FGF13: variants seen among roughly 807,000 people sequenced by gnomAD.
FGF13 encodes fibroblast growth factor 13.
In FGF13, 2 loss-of-function variants were observed where a neutral mutation model predicts 19.5. That is an observed-to-expected ratio of 0.10 (90% CI 0.04 to 0.32). FGF13 has a LOEUF of 0.32. Ranked by LOEUF, FGF13 falls within the 10% of genes least tolerant of loss-of-function variation. The probability of loss-of-function intolerance (pLI) is 1.00; values close to 1 mark genes in which losing one functional copy is unlikely to be tolerated. For missense variants in FGF13, 113 were observed against 192.7 expected, an observed-to-expected ratio of 0.59 and a Z score of 2.45; for synonymous variants, 72 against 76.9, an observed-to-expected ratio of 0.94 and a Z score of 0.33.
chrX:138,710,777 C>G lies in FGF13; in HGVS notation c.187+40G>C, dbSNP rs1267313779. 2.5e-6 allele frequency: 3 copies of G among 1,203,751 alleles called. No homozygotes were observed. The East Asian group carries it at 8.9e-5, about 36-fold the overall frequency. On this transcript the variant is annotated intron_variant, in intron 1 of 4. Coordinates refer to ENST00000315930, the MANE Select transcript of FGF13 (RefSeq NM_004114.5). ...TGCTCCCCACCGCCCCCACCTCACT[C>G]GTAAAGTATGGGGAAAAGAAAGCAA...
At chrX:138,842,492 A>C in intron 3 of FGF13, among the ~76,000 whole-genome samples, 1 of 111,207 alleles carries the variant, frequency 9.0e-6, no homozygotes, top group African/African-American at 3.3e-5. Flanking sequence ...AGTTTGAATT[A>C]AGTTGAAACT....
chrX:139,096,419 C>G (rs1020130088), intron 1 of FGF13, among the ~76,000 whole-genome samples: 1 of 110,991 alleles, frequency 9.0e-6, no homozygotes, highest in African/African-American at 3.3e-5. Flanking sequence ...ACAAAGGTAC[C>G]AGGTTATGAA....
chrX:139,065,696 G>C (rs1199055307), intron 1 of FGF13, among the ~76,000 whole-genome samples: 2 of 110,182 alleles, frequency 1.8e-5, no homozygotes, highest in Non-Finnish European at 3.8e-5. Flanking sequence ...GACCTACAAA[G>C]AGACTGAGAC....
intron 1 of FGF13, among the ~76,000 whole-genome samples, chrX:139,191,788 C>G (rs1239191780): frequency 9.0e-6 from 1 of 111,614 alleles, no homozygotes; most frequent in Admixed American, 9.5e-5. Context: ...TCACCCTGCT[C>G]TAGACTGGCA....
intron 3 of FGF13, among the ~76,000 whole-genome samples, chrX:138,648,967 C>T (rs1028256067): frequency 8.9e-6 from 1 of 112,131 alleles, no homozygotes; most frequent in Admixed American, 9.5e-5. Flanking sequence ...TTATCTCATA[C>T]TAATTTTTAC....
At chrX:138,775,108 C>G (rs1173102995) in intron 3 of FGF13, among the ~76,000 whole-genome samples, 1 of 111,862 alleles carries the variant, frequency 8.9e-6, no homozygotes, top group African/African-American at 3.3e-5. Flanking sequence ...TTCAGGCATG[C>G]GCCATCACGC....
intron 3 of FGF13, among the ~76,000 whole-genome samples, chrX:138,818,377 C>T (rs1052282757): frequency 1.0e-4 from 11 of 109,761 alleles, no homozygotes; most frequent in Admixed American, 3.0e-4. Context: ...TATGTCCATA[C>T]GAAGGAATTT....
chrX:138,678,358 AAAGTAT>A (rs953999902), intron 3 of FGF13, among the ~76,000 whole-genome samples: 2 of 112,072 alleles, frequency 1.8e-5, no homozygotes, highest in African/African-American at 6.5e-5. Flanking sequence ...CCTAAAACTT[AAAGTAT>A]AATAATAATA....
intron 1 of FGF13, among the ~76,000 whole-genome samples, chrX:139,185,972 G>A (rs768907787): frequency 9.0e-6 from 1 of 111,693 alleles, no homozygotes; most frequent in Non-Finnish European, 1.9e-5. Flanking sequence ...TCTATGGTTT[G>A]ATTTCCACTT....
intron 1 of FGF13, among the ~76,000 whole-genome samples, chrX:138,914,118 T>C (rs2091606132): frequency 9.2e-6 from 1 of 109,286 alleles, no homozygotes; most frequent in African/African-American, 3.3e-5. Flanking sequence ...ATCAGTCTTC[T>C]CAGAGATCCT....
chrX:139,091,746 T>C (rs979405874), intron 1 of FGF13, among the ~76,000 whole-genome samples: 5 of 111,437 alleles, frequency 4.5e-5, no homozygotes, highest in African/African-American at 1.3e-4. Context: ...TAAACTGCTA[T>C]ATATCAGAGG....
intron 3 of FGF13, among the ~76,000 whole-genome samples, chrX:138,809,520 C>T (rs2090903091): frequency 9.0e-6 from 1 of 111,726 alleles, no homozygotes; most frequent in South Asian, 3.7e-4. Flanking sequence ...GAAGCATTCC[C>T]TTTGAAAACT....
chrX:138,686,600 T>G (rs2089785208), intron 3 of FGF13, among the ~76,000 whole-genome samples: 2 of 111,986 alleles, frequency 1.8e-5, no homozygotes, highest in African/African-American at 6.5e-5. Flanking sequence ...CATACAGAGA[T>G]CTTAATATAC....
downstream of FGF13, among the ~76,000 whole-genome samples, chrX:138,853,626 T>C (rs1014601144): frequency 1.8e-5 from 2 of 108,412 alleles, no homozygotes; most frequent in African/African-American, 3.4e-5. Context: ...TGTGCGTGTG[T>C]GTGTGTGTGT....
At position 139,172,424 on chromosome X, in the gene FGF13, G is replaced by A. The variant is rs2084141260; in HGVS notation, c.-113+30992C>T. ...TGCGTCCAAACTCCTACTCACATTG[G>A]CTTACACTTTCCATTTCTTCCTTCC... On this transcript the variant is annotated intron_variant, in intron 1 of 2. Coordinates refer to the FGF13 transcript ENST00000421460. Among the ~76,000 whole-genome samples the A allele has an allele frequency of 3.6e-5, 4 of 111,115 alleles. No individual in the cohort carries two copies. In the Admixed American group the frequency reaches 3.9e-4, roughly 11 times the overall value.
intron 1 of FGF13, among the ~76,000 whole-genome samples, chrX:138,894,533 C>T (rs1205104348): frequency 9.0e-6 from 1 of 111,628 alleles, no homozygotes; most frequent in Non-Finnish European, 1.9e-5. Flanking sequence ...ATAAACAACT[C>T]TATGCAAATA....
intron 3 of FGF13, among the ~76,000 whole-genome samples, chrX:138,653,965 C>CTG (rs1429182438): frequency 2.7e-5 from 3 of 111,822 alleles, no homozygotes; most frequent in Non-Finnish European, 3.8e-5. Flanking sequence ...GATTGGTGTG[C>CTG]TGTACACTCT....
chrX:138,943,423 G>C (rs1041411637), intron 1 of FGF13, among the ~76,000 whole-genome samples: 6 of 112,447 alleles, frequency 5.3e-5, no homozygotes, highest in Non-Finnish European at 7.5e-5. Flanking sequence ...ATTTCACTGA[G>C]AGAATATGAG....
chrX:138,802,873 T>C (rs1473918662), intron 3 of FGF13, among the ~76,000 whole-genome samples: 1 of 111,835 alleles, frequency 8.9e-6, no homozygotes, highest in Non-Finnish European at 1.9e-5. Flanking sequence ...AATTGCAGAA[T>C]GCCATGTTTT....
Sources: allele counts gnomAD v4.1 joint callset (sites outside exome capture counted in the v4.1 genomes callset), GRCh38; gene constraint gnomAD v4.1.1; transcripts MANE v1.5; gene names NCBI Gene and HGNC (gene_info 2026-07-23, HGNC 2026-07-21).